ROCK2: variants seen among roughly 807,000 people sequenced by gnomAD.
The protein encoded by ROCK2 is Rho associated coiled-coil containing protein kinase 2, also known as rho-associated protein kinase 2.
Under a neutral mutation model 195.1 loss-of-function variants are expected in ROCK2, and 61 were observed. That is an observed-to-expected ratio of 0.31 (90% CI 0.25 to 0.39). ROCK2 has a LOEUF of 0.39. Ranked by LOEUF, ROCK2 falls within the 10% of genes least tolerant of loss-of-function variation. The pLI is 1.00. For missense variants in ROCK2, 1,109 were observed against 1,637.4 expected (o/e 0.68, Z 5.57); for synonymous variants, 504 against 545.5 (o/e 0.92, Z 1.06).
intron 18 of ROCK2, 128 bp from the exon 19 acceptor site, chr2:11,208,575 T>G: frequency 4.4e-6 from 2 of 458,930 alleles, no homozygotes; most frequent in South Asian, 9.0e-5. Context: ...CTGCCTTATA[T>G]TCTATTAATT....
intron 3 of ROCK2, among the ~76,000 whole-genome samples, chr2:11,259,836 AG>A (rs1363990632): frequency 6.6e-6 from 1 of 151,440 alleles, no homozygotes; most frequent in Non-Finnish European, 1.5e-5. Context: ...CAAAGAGCCA[AG>A]TAAGTAATGA....
intron 1 of ROCK2, among the ~76,000 whole-genome samples, chr2:11,323,180 G>A (rs1459918744): frequency 6.6e-6 from 1 of 152,050 alleles, no homozygotes; most frequent in Non-Finnish European, 1.5e-5. Context: ...TTCTTGTTCA[G>A]AGCTTGAGGT....
At chr2:11,202,952 G>T (rs1045289650) in intron 20 of ROCK2, among the ~76,000 whole-genome samples, 1 of 152,120 alleles carries the variant, frequency 6.6e-6, no homozygotes, top group Non-Finnish European at 1.5e-5. Flanking sequence ...TGATCTCAGT[G>T]GGGAGTGCAG....
At chr2:11,322,005 TAAG>T (rs1668414925) in intron 1 of ROCK2, among the ~76,000 whole-genome samples, 2 of 151,986 alleles carry the variant, frequency 1.3e-5, no homozygotes, top group South Asian at 2.1e-4. Context: ...GGTGTCCTTC[TAAG>T]AAGAGGAGAT....
At chr2:11,316,248 G>A (rs1668189263) in intron 1 of ROCK2, among the ~76,000 whole-genome samples, 1 of 152,098 alleles carries the variant, frequency 6.6e-6, no homozygotes, top group South Asian at 2.1e-4. Context: ...AAGAGGAGGT[G>A]ATGGATAGGC....
chr2:11,181,530 AATAG>A lies in ROCK2; in HGVS notation c.*1903_*1906del, dbSNP rs1662990606. 6 of 152,096 alleles carry A rather than the reference AATAG, an allele frequency of 3.9e-5. No homozygotes were observed. The South Asian group carries it at 1.0e-3, about 26-fold the overall frequency. The allele number at this position is 152,096 out of a possible 1,614,324, so 9.4% of individuals were successfully genotyped here. A position where few individuals can be genotyped will look rare whatever the true frequency, so the allele number is the denominator to read the frequency against. ...CCAGTAGCTACTCTTCAGTTTCCAC[AATAG>A]TATCTATTATGGGGATCTAACTTTT... is the stretch of plus-strand genomic sequence containing the variant. On this transcript the variant is annotated 3_prime_UTR_variant, in exon 33 of 33. Coordinates refer to ENST00000315872, the MANE Select transcript of ROCK2 (RefSeq NM_004850.5).
chr2:11,287,063 T>C (rs1416450371), intron 2 of ROCK2, among the ~76,000 whole-genome samples: 1 of 152,226 alleles, frequency 6.6e-6, no homozygotes, highest in Non-Finnish European at 1.5e-5. Flanking sequence ...ACTATATAAA[T>C]AGTAACTATA....
intron 3 of ROCK2, among the ~76,000 whole-genome samples, chr2:11,283,356 C>G (rs1180409824): frequency 6.7e-6 from 1 of 149,592 alleles, no homozygotes; most frequent in Non-Finnish European, 1.5e-5. Context: ...GTCAGGAGAT[C>G]GAGACCATCC....
At chr2:11,305,268 C>T (rs572998167) in intron 1 of ROCK2, among the ~76,000 whole-genome samples, 3 of 152,122 alleles carry the variant, frequency 2.0e-5, no homozygotes, top group African/African-American at 4.8e-5. Flanking sequence ...CCCAACTACT[C>T]GGGAGGCTGA....
At chr2:11,295,990 G>GAGAGAGAGAGAGAGA (rs1553313903) in intron 1 of ROCK2, among the ~76,000 whole-genome samples, 2 of 28,394 alleles carry the variant, frequency 7.0e-5, no homozygotes, top group African/African-American at 1.6e-4. Flanking sequence ...GAGAGAGAGA[G>GAGAGAGAGAGAGAGA]GAGAGAGAGA....
At position 11,214,351 on chromosome 2, in the gene ROCK2, T is replaced by G. The variant is rs758594804; in HGVS notation, c.2043+6A>C. 2.0e-6 allele frequency: 3 copies of G among 1,479,008 alleles called. No homozygotes were observed. Among genetic ancestry groups the G allele is most frequent in the Non-Finnish European group, 2.8e-6 (3 of 1,070,638 alleles). 91.6% of individuals were successfully genotyped at this position (1,479,008 alleles called of 1,614,324 possible). A position where few individuals can be genotyped will look rare whatever the true frequency, so the allele number is the denominator to read the frequency against. On this transcript the variant is annotated splice_donor_region_variant and intron_variant, in intron 17 of 32. Transcript: ENST00000315872. ...TTCTTATGCAAAAATATAAAACATG[T>G]TTTACCTTTTCCAAATCAGTAAATC...
intron 1 of ROCK2, among the ~76,000 whole-genome samples, chr2:11,317,597 TATATATATATATATA>T (rs1429006717): frequency 3.7e-4 from 6 of 16,368 alleles, no homozygotes; most frequent in African/African-American, 7.6e-4. Flanking sequence ...TATATATATA[TATATATATATATATA>T]TTTTTTTTTT....
intron 3 of ROCK2, among the ~76,000 whole-genome samples, chr2:11,260,065 C>T (rs542359755): frequency 6.6e-6 from 1 of 151,578 alleles, no homozygotes; most frequent in East Asian, 1.9e-4. Flanking sequence ...AGATTTTCAA[C>T]TGATTTGTGT....
intron 1 of ROCK2, among the ~76,000 whole-genome samples, chr2:11,329,742 C>T (rs1176987245): frequency 6.6e-6 from 1 of 151,596 alleles, no homozygotes; most frequent in African/African-American, 2.4e-5. Context: ...TTTTACAAAA[C>T]TATCAGCAAA....
chr2:11,322,353 G>T (rs1668426551), intron 1 of ROCK2, among the ~76,000 whole-genome samples: 1 of 151,286 alleles, frequency 6.6e-6, no homozygotes, highest in South Asian at 2.1e-4. Context: ...AGAAATCAAG[G>T]TATCACTAGT....
At chr2:11,226,128 T>C (rs531721646) in intron 6 of ROCK2, among the ~76,000 whole-genome samples, 74 of 152,318 alleles carry the variant, frequency 4.9e-4, no homozygotes, top group Non-Finnish European at 7.2e-4. Context: ...TTCCATATTA[T>C]GTTATTAGCC....
At chr2:11,184,382 T>C (rs571015918) in intron 32 of ROCK2, among the ~76,000 whole-genome samples, 1 of 152,340 alleles carries the variant, frequency 6.6e-6, no homozygotes, top group East Asian at 1.9e-4. Context: ...TTCTTTGGAA[T>C]GAACAGAACG....
At chr2:11,208,075 GTAT>G (rs1553298776) in intron 19 of ROCK2, among the ~76,000 whole-genome samples, 165 bp from the exon 20 acceptor site, 2 of 150,596 alleles carry the variant, frequency 1.3e-5, no homozygotes, top group Non-Finnish European at 3.0e-5. Context: ...TATTATAATT[GTAT>G]TTTTTAAATA....
rs1480789231 is a variant in ROCK2 at position 11,317,154 on chromosome 2, G to A, written c.141+26842C>T. Among the ~76,000 whole-genome samples the A allele has an allele frequency of 2.6e-5, 4 of 152,050 alleles. No individual in the cohort carries two copies. In the East Asian group the frequency reaches 7.7e-4, roughly 29 times the overall value. On this transcript the variant is annotated intron_variant, in intron 1 of 32. Transcript: ENST00000315872. ...CTGCGAATGAGGCCACAGAAATGATGCAAGTAACTAAAAGACATGTAACTT... is the reference window on the plus strand; with the variant it reads ...CTGCGAATGAGGCCACAGAAATGATACAAGTAACTAAAAGACATGTAACTT...
Sources: allele counts gnomAD v4.1 joint callset (sites outside exome capture counted in the v4.1 genomes callset), GRCh38; gene constraint gnomAD v4.1.1; transcripts MANE v1.5; gene names NCBI Gene and HGNC (gene_info 2026-07-23, HGNC 2026-07-21).